TOX3: variants seen among roughly 807,000 people sequenced by gnomAD.
TOX3 encodes CAG trinucleotide repeat-containing gene F9 protein.
Under a neutral mutation model 64.3 loss-of-function variants are expected in TOX3, and 22 were observed. The ratio of observed to expected loss-of-function variants is 0.34; its 90% confidence interval spans 0.24 to 0.49. The LOEUF is 0.49. Among genes scored for constraint, TOX3 ranks in the 20% least tolerant of loss-of-function variants. The probability of loss-of-function intolerance (pLI) is 0.99; values close to 1 mark genes in which losing one functional copy is unlikely to be tolerated. For synonymous variants in TOX3, 291 were observed against 273.6 expected, an observed-to-expected ratio of 1.06 and a Z score of -0.63; for missense variants, 661 against 714.4, an observed-to-expected ratio of 0.93 and a Z score of 0.85.
chr16:52,542,824 A>T (rs558012623), intron 1 of TOX3, among the ~76,000 whole-genome samples: 75 of 152,322 alleles, frequency 4.9e-4, no homozygotes, highest in Admixed American at 1.4e-3. Flanking sequence ...TTGAACCATG[A>T]TCCCCAAGAA....
chr16:52,439,826 T>C lies in TOX3; in HGVS notation c.1130A>G (p.Gln377Arg). The change falls in exon 7 of 7, where the codon CAA (glutamine) becomes CGA (arginine). Residue 377 changes from glutamine to arginine, a missense_variant. This residue lies in a region of TOX3 where 299 missense variants were observed against 292.1 expected (regional missense o/e 1.02). Coordinates refer to ENST00000219746, the MANE Select transcript of TOX3 (RefSeq NM_001080430.4). ...GGGAGCGATTGACCTAGGGAGGGAT[T>C]GCTGGAGAGTCTGAGGTGATGCTGA... is the stretch of plus-strand genomic sequence containing the variant. ...TVSASPQTLQQSLPRSIAPKP... is the reference protein window; with the variant it reads ...TVSASPQTLQRSLPRSIAPKP... 1 of 1,613,878 alleles carries C rather than the reference T, an allele frequency of 6.2e-7. No individual in the cohort carries two copies. The highest frequency in any genetic ancestry group is 8.5e-7 in the Non-Finnish European group (1 of 1,179,856).
chr16:52,462,146 T>C (rs1260611882), intron 3 of TOX3, among the ~76,000 whole-genome samples: 1 of 152,064 alleles, frequency 6.6e-6, no homozygotes, highest in Non-Finnish European at 1.5e-5. Context: ...TGTGATGAGG[T>C]CCATGTAAAT....
intron 1 of TOX3, among the ~76,000 whole-genome samples, chr16:52,494,074 C>T (rs1253287314): frequency 6.6e-6 from 1 of 152,208 alleles, no homozygotes; most frequent in East Asian, 1.9e-4. Context: ...CTTCTTCCAA[C>T]TCCCCAAAGA....
chr16:52,478,033 C>T (rs1961267033), intron 1 of TOX3, among the ~76,000 whole-genome samples: 1 of 152,082 alleles, frequency 6.6e-6, no homozygotes, highest in South Asian at 2.1e-4. Flanking sequence ...ATACTAATGG[C>T]CAGGTGACAT....
Position 52,439,468 on chromosome 16 carries a change from A to ATGCTGC in TOX3, c.1482_1487dup (p.Gln494_Gln495dup), listed in dbSNP as rs769861854. 6.9e-7 allele frequency: 1 copy of ATGCTGC among 1,439,588 alleles called. No individual in the cohort carries two copies. The highest frequency in any genetic ancestry group is 9.6e-7 in the Non-Finnish European group (1 of 1,045,742). 89.2% of individuals were successfully genotyped at this position (1,439,588 alleles called of 1,614,324 possible). On this transcript the variant is annotated inframe_insertion, in exon 7 of 7. Coordinates refer to ENST00000219746, the MANE Select transcript of TOX3 (RefSeq NM_001080430.4). Reference sequence around the variant, plus strand: ...GCTGTTGATTAATTTGCTGCTGGAGATGCTGCTGCTGCTGCTGCAGGTGCT... The same window carrying ATGCTGC: ...GCTGTTGATTAATTTGCTGCTGGAGATGCTGCTGCTGCTGCTGCTGCTGCAGGTGCT...
intron 1 of TOX3, among the ~76,000 whole-genome samples, chr16:52,542,737 G>C (rs147559619): frequency 3.9e-5 from 6 of 152,224 alleles, no homozygotes; most frequent in South Asian, 2.1e-4. Flanking sequence ...CTTACGTGAA[G>C]ACCTGTCGTG....
chr16:52,511,221 C>G (rs755781976), intron 1 of TOX3, among the ~76,000 whole-genome samples: 5 of 152,090 alleles, frequency 3.3e-5, no homozygotes, highest in Admixed American at 6.5e-5. Flanking sequence ...TGGCTGGGCA[C>G]GGTGACTCAT....
chr16:52,481,958 A>T (rs1032959664), intron 1 of TOX3, among the ~76,000 whole-genome samples: 2 of 152,198 alleles, frequency 1.3e-5, no homozygotes, highest in Admixed American at 6.5e-5. Context: ...GAAGGACAGA[A>T]ATCACATTCC....
intron 3 of TOX3, among the ~76,000 whole-genome samples, chr16:52,454,356 C>T (rs1320815672): frequency 1.3e-5 from 2 of 152,148 alleles, no homozygotes; most frequent in Non-Finnish European, 2.9e-5. Context: ...TCTTCAGATC[C>T]AAAAAGATGC....
chr16:52,473,112 T>C (rs959068056), intron 1 of TOX3, among the ~76,000 whole-genome samples: 1 of 152,166 alleles, frequency 6.6e-6, no homozygotes, highest in Non-Finnish European at 1.5e-5. Flanking sequence ...TATTTGACCA[T>C]GTGAAGTGCC....
intron 1 of TOX3, among the ~76,000 whole-genome samples, chr16:52,534,021 A>G (rs1207383002): frequency 1.3e-5 from 2 of 152,234 alleles, no homozygotes; most frequent in Admixed American, 6.5e-5. Flanking sequence ...CAAATTCTTC[A>G]TAAGTAAAAG....
chr16:52,443,876 C>T (rs756686888), intron 6 of TOX3, among the ~76,000 whole-genome samples: 15 of 151,914 alleles, frequency 9.9e-5, no homozygotes, highest in African/African-American at 2.9e-4. Context: ...TGCAATGCCC[C>T]CCAATTGTAG....
chr16:52,525,951 T>C (rs562948131), intron 1 of TOX3, among the ~76,000 whole-genome samples: 1 of 152,348 alleles, frequency 6.6e-6, no homozygotes, highest in South Asian at 2.1e-4. Flanking sequence ...TGTTTTAATC[T>C]AGATCTTCCA....
At chr16:52,473,182 T>A (rs1567323852) in intron 1 of TOX3, among the ~76,000 whole-genome samples, 1 of 152,064 alleles carries the variant, frequency 6.6e-6, no homozygotes, top group Non-Finnish European at 1.5e-5. Flanking sequence ...CGGAAGAAAG[T>A]GGAACAGCCC....
At chr16:52,472,765 C>T (rs1177714505) in intron 1 of TOX3, among the ~76,000 whole-genome samples, 2 of 152,118 alleles carry the variant, frequency 1.3e-5, no homozygotes, top group Non-Finnish European at 2.9e-5. Flanking sequence ...TTTAAAGACA[C>T]ATAAATGGTC....
chr16:52,480,783 T>C (rs896361085), intron 1 of TOX3, among the ~76,000 whole-genome samples: 15 of 152,210 alleles, frequency 9.9e-5, no homozygotes, highest in Non-Finnish European at 1.5e-4. Context: ...TAAACCATAA[T>C]CATGTTCAGG....
chr16:52,518,017 T>A (rs1213286141), intron 1 of TOX3, among the ~76,000 whole-genome samples: 5 of 152,190 alleles, frequency 3.3e-5, no homozygotes, highest in African/African-American at 1.2e-4. Context: ...ACACTTCTGA[T>A]AATGTTGAAC....
intron 1 of TOX3, among the ~76,000 whole-genome samples, chr16:52,530,651 C>T (rs1368730070): frequency 6.9e-6 from 1 of 145,398 alleles, no homozygotes; most frequent in East Asian, 2.0e-4. Flanking sequence ...CCTGGCCCCT[C>T]TTTTTTTTTT....
intron 4 of TOX3, 84 bp from the exon 5 acceptor site, chr16:52,446,305 T>C (rs1960161124): frequency 7.1e-7 from 1 of 1,416,634 alleles, no homozygotes; most frequent in Non-Finnish European, 9.5e-7. Context: ...TAATTGTTCT[T>C]TGAAGGTTTT....
Sources: gnomAD v4.1 joint callset for allele counts (sites outside exome capture counted in the v4.1 genomes callset) on GRCh38, gnomAD v4.1.1 for gene constraint, gnomAD v4.1.1 regional missense constraint, MANE v1.5 for transcripts, NCBI Gene and HGNC (gene_info 2026-07-23, HGNC 2026-07-21) for gene names.